The following DRD3 variants were observed in gnomAD, a reference collection of about 807,000 sequenced individuals.
DRD3 encodes the protein dopamine receptor D3.
In DRD3, 19 loss-of-function variants were observed where a neutral mutation model predicts 36.3. That is an observed-to-expected ratio of 0.52 (90% confidence interval 0.36 to 0.77). DRD3 has a LOEUF of 0.77. Among genes scored for constraint, DRD3 ranks in the 30% least tolerant of loss-of-function variants. The pLI is 0.00. For synonymous variants in DRD3, 195 were observed against 203.7 expected (o/e 0.96, Z 0.36); for missense variants, 465 against 505.3 (o/e 0.92, Z 0.77).
rs550508277 is a variant in DRD3, at chr3:114,178,863, C to T, written c.-242G>A. 1 of 152,224 alleles carries T rather than the reference C, an allele frequency of 6.6e-6. No individual in the cohort carries two copies. The highest frequency in any genetic ancestry group is 2.1e-4 in the South Asian group (1 of 4,818). 9.4% of individuals were successfully genotyped at this position (152,224 alleles called of 1,614,324 possible). ...TGCTTTTCCAGCTTCCCTATTAGAC[C>T]TTAGTGCATGTTTCATAGCTGCTTT... On this transcript the variant is annotated 5_prime_UTR_variant, in exon 1 of 7. Coordinates refer to ENST00000383673, the MANE Select transcript of DRD3 (RefSeq NM_000796.6).
chr3:114,196,090 G>A (rs1030897168), intron 1 of DRD3, among the ~76,000 whole-genome samples: 5 of 152,160 alleles, frequency 3.3e-5, no homozygotes, highest in African/African-American at 7.2e-5. Context: ...GTTGGCAGAG[G>A]GATTGCTATC....
At chr3:114,166,132 C>T (rs9811326) in intron 2 of DRD3, among the ~76,000 whole-genome samples, 11,228 of 151,898 alleles carry the variant, frequency 0.074, 877 homozygotes, top group African/African-American at 0.2. Flanking sequence ...ATTACAGGTA[C>T]CTGCCACTAT....
At chr3:114,191,948 T>A (rs2078012787) in intron 1 of DRD3, among the ~76,000 whole-genome samples, 1 of 152,320 alleles carries the variant, frequency 6.6e-6, no homozygotes, top group Middle Eastern at 3.4e-3. Flanking sequence ...AGGCTATTTA[T>A]TTGGAGTTTG....
intron 6 of DRD3, 104 bp from the exon 7 acceptor site, chr3:114,129,016 C>T: frequency 2.3e-6 from 3 of 1,312,250 alleles, no homozygotes; most frequent in Non-Finnish European, 2.1e-6. Context: ...AGCCACTAAG[C>T]TGGAAGTTTT....
chr3:114,192,778 G>A (rs1022944649), intron 1 of DRD3, among the ~76,000 whole-genome samples: 1 of 152,158 alleles, frequency 6.6e-6, no homozygotes, highest in South Asian at 2.1e-4. Context: ...CAATTGATGC[G>A]ATAAGCAAAC....
At chr3:114,176,726 T>C (rs983615187) in intron 1 of DRD3, among the ~76,000 whole-genome samples, 3 of 152,208 alleles carry the variant, frequency 2.0e-5, no homozygotes, top group African/African-American at 4.8e-5. Context: ...CACAGATCTC[T>C]GGCTGTTGCT....
At chr3:114,196,918 A>G (rs543116571) in intron 1 of DRD3, among the ~76,000 whole-genome samples, 2 of 150,992 alleles carry the variant, frequency 1.3e-5, no homozygotes, top group South Asian at 4.2e-4. Context: ...TATTTTTCCC[A>G]GTCTATGTCT....
Position 114,178,974 on chromosome 3 carries a change from G to A in DRD3, c.-353C>T, listed in dbSNP as rs201251384. On this transcript the variant is annotated 5_prime_UTR_variant, in exon 1 of 7. The change creates a premature stop within an existing upstream ORF in the 5' untranslated region. Coordinates refer to ENST00000383673, the MANE Select transcript of DRD3 (RefSeq NM_000796.6). ...TCAGCCGCTCAGAGGTTCTGTCCTTGGTGCTGAAAGAGGGATGGAGTAGGC... is the reference window on the plus strand; with the variant it reads ...TCAGCCGCTCAGAGGTTCTGTCCTTAGTGCTGAAAGAGGGATGGAGTAGGC... The A allele has an allele frequency of 1.3e-5, 2 of 152,106 alleles. No homozygotes were observed. Among genetic ancestry groups the A allele is most frequent in the African/African-American group, 2.4e-5 (1 of 41,424 alleles). 9.4% of individuals were successfully genotyped at this position (152,106 alleles called of 1,614,324 possible).
At position 114,171,812 on chromosome 3, in the gene DRD3, G is replaced by A. The variant is rs1365633687; in HGVS notation, c.181C>T (p.Gln61Ter). The change falls in exon 2 of 7, where the codon CAG becomes TAG. Residue 61 changes from glutamine (Q) to a stop codon, truncating the protein, a stop_gained. Transcript: ENST00000383673. LOFTEE classifies it high-confidence loss of function. ...CMAVLKERAL[Q>*]TTTNYLVVSL... ...ACTACTAAGTAGTTGGTGGTAGTCT[G>A]CAGGGCCCGCTCCTTCAGCACAGCC... 2 of 1,614,086 alleles carry A rather than the reference G, an allele frequency of 1.2e-6. No individual in the cohort carries two copies. Among genetic ancestry groups the A allele is most frequent in the Admixed American group, 1.7e-5 (1 of 60,026 alleles).
At chr3:114,173,884 G>A (rs902479105) in intron 1 of DRD3, among the ~76,000 whole-genome samples, 7 of 152,104 alleles carry the variant, frequency 4.6e-5, no homozygotes, top group Admixed American at 2.0e-4. Flanking sequence ...GCCAGAATTT[G>A]CCCTCAAGCC....
At chr3:114,139,789 G>T in intron 4 of DRD3, 93 bp from the exon 5 acceptor site, 1 of 1,196,656 alleles carries the variant, frequency 8.4e-7, no homozygotes, top group Non-Finnish European at 1.2e-6. Context: ...TGTGGTGCCT[G>T]CACTTTCTGC....
intron 5 of DRD3, among the ~76,000 whole-genome samples, chr3:114,135,662 G>A (rs557907728): frequency 2.6e-5 from 4 of 151,874 alleles, no homozygotes; most frequent in African/African-American, 9.7e-5. Context: ...AGAGATTATG[G>A]TGTGTTTTTT....
chr3:114,155,539 C>T (rs370358278), intron 3 of DRD3, among the ~76,000 whole-genome samples: 9 of 150,168 alleles, frequency 6.0e-5, no homozygotes, highest in African/African-American at 1.2e-4. Flanking sequence ...GGCTGCTGGC[C>T]GCAAAATGGT....
In DRD3 at chr3:114,132,606, C is replaced by T. The variant is rs540203827; in HGVS notation, c.724-1206G>A. On this transcript the variant is annotated intron_variant, in intron 5 of 6. Transcript: ENST00000383673. ...AAAGCAGCACCCACCACATATAGAA[C>T]ATTTGATAATCACAACAACCTCTTG... Among the ~76,000 whole-genome samples, 7 of 149,868 alleles carry T rather than the reference C, an allele frequency of 4.7e-5. No homozygotes were observed. The East Asian group carries it at 1.2e-3, about 25-fold the overall frequency.
At chr3:114,135,009 A>G (rs2077463132) in intron 5 of DRD3, among the ~76,000 whole-genome samples, 1 of 152,160 alleles carries the variant, frequency 6.6e-6, no homozygotes, top group Admixed American at 6.5e-5. Flanking sequence ...GTGCTATTAG[A>G]CACTAGAACT....
chr3:114,133,024 C>T (rs1156503433), intron 5 of DRD3, among the ~76,000 whole-genome samples: 1 of 150,280 alleles, frequency 6.7e-6, no homozygotes, highest in Non-Finnish European at 1.5e-5. Context: ...GACTTTCGCT[C>T]TTGTTGCCCA....
At chr3:114,153,441 GTTTA>G (rs986432834) in intron 3 of DRD3, among the ~76,000 whole-genome samples, 3 of 152,090 alleles carry the variant, frequency 2.0e-5, no homozygotes, top group African/African-American at 4.8e-5. Flanking sequence ...TATTAAATTT[GTTTA>G]TTTATCCACC....
At chr3:114,170,469 T>C (rs1478077407) in intron 2 of DRD3, among the ~76,000 whole-genome samples, 1 of 152,118 alleles carries the variant, frequency 6.6e-6, no homozygotes, top group African/African-American at 2.4e-5. Flanking sequence ...ATAAGACCCT[T>C]CACCCTCCCA....
At chr3:114,155,299 A>G (rs1041470130) in intron 3 of DRD3, among the ~76,000 whole-genome samples, 1 of 152,212 alleles carries the variant, frequency 6.6e-6, no homozygotes, top group African/African-American at 2.4e-5. Flanking sequence ...CATTTCTAGA[A>G]TAGGAGGGGG....
Sources: gnomAD v4.1 joint callset for allele counts (sites outside exome capture counted in the v4.1 genomes callset) on GRCh38, gnomAD v4.1.1 for gene constraint, MANE v1.5 for transcripts, NCBI Gene and HGNC (gene_info 2026-07-23, HGNC 2026-07-21) for gene names.